COL18A1: variants seen among roughly 807,000 people sequenced by gnomAD.
The protein encoded by COL18A1 is collagen type XVIII alpha 1 chain, also known as collagen alpha-1(XVIII) chain.
COL18A1 carries 133 observed loss-of-function variants against 168.0 expected under a neutral mutation model. The ratio of observed to expected loss-of-function variants is 0.79; its 90% CI spans 0.69 to 0.91. COL18A1 has a LOEUF of 0.91. COL18A1 is among the 40% of genes least tolerant of loss of function. COL18A1 has a pLI of 0.00. For synonymous variants in COL18A1, 949 were observed against 809.0 expected, an observed-to-expected ratio of 1.17 and a Z score of -2.94; for missense variants, 2,126 against 1,925.4, an observed-to-expected ratio of 1.10 and a Z score of -1.95.
intron 2 of COL18A1, among the ~76,000 whole-genome samples, chr21:45,440,159 G>GT (rs2034330805): frequency 6.6e-6 from 1 of 151,880 alleles, no homozygotes; most frequent in African/African-American, 2.4e-5. Context: ...AACGTCGGCT[G>GT]TGGCTGTGGC....
chr21:45,501,620 C>T (rs963307570), intron 32 of COL18A1, among the ~76,000 whole-genome samples: 2 of 152,258 alleles, frequency 1.3e-5, no homozygotes, highest in African/African-American at 2.4e-5. Context: ...GGGCCTTGCC[C>T]TGCACAATCC....
intron 15 of COL18A1, among the ~76,000 whole-genome samples, chr21:45,486,365 GCCT>G (rs2036112105): frequency 7.9e-6 from 1 of 126,732 alleles, no homozygotes; most frequent in Non-Finnish European, 1.6e-5. Context: ...AGGGTCCTGA[GCCT>G]CCTCTCCTCT....
chr21:45,405,870 C>T (rs1255400243), intron 2 of COL18A1, among the ~76,000 whole-genome samples: 1 of 151,784 alleles, frequency 6.6e-6, no homozygotes, highest in Admixed American at 6.6e-5. Context: ...GGGCGGAAGG[C>T]GGCGGAGCGC....
Position 45,489,528 on chromosome 21 carries a change from G to A in COL18A1, c.1959+7G>A, listed in dbSNP as rs376719829. 4.4e-6 allele frequency: 7 copies of A among 1,588,318 alleles called. No homozygotes were observed. The highest frequency in any genetic ancestry group is 4.5e-5 in the East Asian group (2 of 44,204). On this transcript the variant is annotated splice_region_variant and intron_variant, in intron 19 of 41. Coordinates refer to ENST00000651438, the MANE Select transcript of COL18A1 (RefSeq NM_001379500.1). ...TGGGCTGCCGGGGGCGAAGGTAAGCGCTGTGCCCGGGTTCAGGGACGTGGC... is the reference window on the plus strand; with the variant it reads ...TGGGCTGCCGGGGGCGAAGGTAAGCACTGTGCCCGGGTTCAGGGACGTGGC...
At chr21:45,405,320 C>CGGG in intron 1 of COL18A1, 59 bp from the exon 2 acceptor site, 2 of 385,144 alleles carry the variant, frequency 5.2e-6, no homozygotes, top group Non-Finnish European at 6.5e-6. Context: ...GGGGCTCGGC[C>CGGG]GGGTCCTGCG....
chr21:45,440,897 C>A (rs768159488), intron 2 of COL18A1, among the ~76,000 whole-genome samples: 1 of 152,196 alleles, frequency 6.6e-6, no homozygotes, highest in African/African-American at 2.4e-5. Context: ...AACTTGGGAG[C>A]AGGGCTGGAA....
chr21:45,477,854 C>T lies in COL18A1; in HGVS notation c.1110C>T (p.Cys370=), dbSNP rs774999737. 3.2e-6 allele frequency: 5 copies of T among 1,553,942 alleles called. No individual in the cohort carries two copies. The highest frequency in any genetic ancestry group is 4.4e-6 in the Non-Finnish European group (5 of 1,148,526). ...TACCTGGTCCCCCGGGTCTCCCGTG[C>T]CCAGTGAGTCCCCTGGGTCCTGCAG... is the stretch of plus-strand genomic sequence containing the variant. The part of the protein sequence containing the change: ...PCLPGPPGLP[C]PVSPLGPAGP... The change falls in exon 8 of 42, where the codon TGC becomes TGT. Residue 370 remains cysteine, a synonymous_variant. Transcript: ENST00000651438.
chr21:45,449,171 G>A (rs1401114053), intron 2 of COL18A1, among the ~76,000 whole-genome samples: 1 of 152,220 alleles, frequency 6.6e-6, no homozygotes, highest in African/African-American at 2.4e-5. Flanking sequence ...TGTGTCTCTG[G>A]CGGCCTTCCC....
intron 2 of COL18A1, among the ~76,000 whole-genome samples, chr21:45,432,461 G>A (rs1156706779): frequency 1.3e-5 from 2 of 152,210 alleles, no homozygotes; most frequent in Non-Finnish European, 2.9e-5. Context: ...ATGGACTGGG[G>A]TGCTCAGCTG....
intron 32 of COL18A1, among the ~76,000 whole-genome samples, chr21:45,503,183 A>C (rs1357397556): frequency 6.6e-6 from 1 of 152,148 alleles, no homozygotes; most frequent in Admixed American, 6.5e-5. Flanking sequence ...TTACAGTCCC[A>C]CCAACAGTGT....
rs115375332 is a variant in COL18A1 at position 45,480,629 on chromosome 21, G to A, written c.1453-71G>A. 4,274 of 1,612,182 alleles carry A rather than the reference G, an allele frequency of 2.7e-3. 100 individuals are homozygous for A. The African/African-American group carries it at 0.05, about 19-fold the overall frequency. ...CCTGTGGGGGGTGGGGATGAGGCCC[G>A]TTCTGGGGGTGGTGGTCATCCCTGG... On this transcript the variant is annotated intron_variant, in intron 12 of 41. Coordinates refer to ENST00000651438, the MANE Select transcript of COL18A1 (RefSeq NM_001379500.1).
chr21:45,464,890 G>T (rs2035150112), intron 2 of COL18A1, among the ~76,000 whole-genome samples: 1 of 152,158 alleles, frequency 6.6e-6, no homozygotes. Context: ...ACGCTTGTGG[G>T]TTCCAGCTGT....
intron 27 of COL18A1, 27 bp from the exon 28 acceptor site, chr21:45,494,835 C>G (rs1463516894): frequency 6.3e-7 from 1 of 1,598,470 alleles, no homozygotes; most frequent in African/African-American, 1.3e-5. Context: ...GTCTGCCCCA[C>G]TAAGCCTGGC....
intron 2 of COL18A1, chr21:45,422,626 G>A (rs932252588): frequency 7.2e-5 from 27 of 374,872 alleles, no homozygotes; most frequent in African/African-American, 2.6e-4. Context: ...TCTCCCAGCC[G>A]TCGGTTGGTG....
chr21:45,431,801 G>A (rs554828266), intron 2 of COL18A1, among the ~76,000 whole-genome samples: 74 of 152,238 alleles, frequency 4.9e-4, no homozygotes, highest in Admixed American at 3.3e-3. Flanking sequence ...TAAGCCGCGC[G>A]CATTGGTGGG....
rs1233753017 is a variant in COL18A1 at position 45,498,419 on chromosome 21, C to T, written c.2683+758C>T. On this transcript the variant is annotated intron_variant, in intron 32 of 41. Coordinates refer to ENST00000651438, the MANE Select transcript of COL18A1 (RefSeq NM_001379500.1). The surrounding 1 kb of genome is among the most constrained non-coding windows in gnomAD (Gnocchi z 4.5). ...CCCTCTCGCCGCCAGGGTCCCCTCTCGCCGCCACGGTCCCCTCTCGCCGCC... is the reference window on the plus strand; with the variant it reads ...CCCTCTCGCCGCCAGGGTCCCCTCTTGCCGCCACGGTCCCCTCTCGCCGCC... 2.0e-5 allele frequency: 14 copies of T among 684,274 alleles called. No individual in the cohort carries two copies. Among genetic ancestry groups the T allele is most frequent in the East Asian group, 8.1e-5 (3 of 37,022 alleles). 42.4% of individuals were successfully genotyped at this position (684,274 alleles called of 1,614,324 possible). A position where few individuals can be genotyped will look rare whatever the true frequency, so the allele number is the denominator to read the frequency against.
rs1568926578 is a variant in COL18A1, at chr21:45,494,528, CTTG to C, written c.2353-14_2353-12del. ...ACAAGCTGCCACCTAACCCTGTCTT[CTTG>C]TTTTTTTGCTCAGGGAGAGCCGGGC... is the stretch of plus-strand genomic sequence containing the variant. On this transcript the variant is annotated splice_polypyrimidine_tract_variant and intron_variant, in intron 26 of 41. Coordinates refer to ENST00000651438, the MANE Select transcript of COL18A1 (RefSeq NM_001379500.1). 1.9e-6 allele frequency: 3 copies of C among 1,613,444 alleles called. No homozygotes were observed. Among genetic ancestry groups the C allele is most frequent in the Non-Finnish European group, 1.7e-6 (2 of 1,179,982 alleles).
At chr21:45,505,530 G>GAGAT (rs2037146863) in intron 36 of COL18A1, 99 bp downstream of exon 36, 7 of 740,508 alleles carry the variant, frequency 9.5e-6, no homozygotes, top group African/African-American at 1.7e-5. Context: ...ACCCCACAGG[G>GAGAT]AGATATACAG....
intron 38 of COL18A1, among the ~76,000 whole-genome samples, chr21:45,509,098 T>C (rs2037418369): frequency 6.6e-6 from 1 of 151,888 alleles, no homozygotes; most frequent in African/African-American, 2.4e-5. Context: ...ACGTGGTGAG[T>C]GATTGCTGCG....
Sources: gnomAD v4.1 joint callset for allele counts (sites outside exome capture counted in the v4.1 genomes callset) on GRCh38, gnomAD v4.1.1 for gene constraint, Gnocchi (gnomAD v3.1) non-coding constraint, MANE v1.5 for transcripts, NCBI Gene and HGNC (gene_info 2026-07-23, HGNC 2026-07-21) for gene names.